The following SUCLG2 variants were observed in gnomAD, a reference collection of about 807,000 sequenced individuals.
SUCLG2 encodes the protein succinate-CoA ligase GDP-forming subunit beta, also known as succinate--CoA ligase [GDP-forming] subunit beta, mitochondrial.
In SUCLG2, 42 loss-of-function variants were observed where a neutral mutation model predicts 47.9. That is an observed-to-expected ratio of 0.88 (90% CI 0.69 to 1.14). The LOEUF is 1.14. Ranked by LOEUF, SUCLG2 falls within the 50% of genes most tolerant of loss-of-function variation. SUCLG2 has a pLI of 0.00. For missense variants in SUCLG2, 571 were observed against 525.9 expected (o/e 1.09, Z -0.84); for synonymous variants, 195 against 197.3 (o/e 0.99, Z 0.10).
intron 2 of SUCLG2, among the ~76,000 whole-genome samples, chr3:67,565,161 T>A (rs546456549): frequency 6.6e-6 from 1 of 152,196 alleles, no homozygotes; most frequent in African/African-American, 2.4e-5. Flanking sequence ...GTGCTGAGTA[T>A]AAGGAAGCAA....
intron 1 of SUCLG2, among the ~76,000 whole-genome samples, chr3:67,641,875 C>G (rs1701107421): frequency 1.3e-5 from 2 of 152,190 alleles, no homozygotes; most frequent in African/African-American, 4.8e-5. Flanking sequence ...TCTCTCCTAG[C>G]TTCCAGTGGT....
At chr3:67,370,915 T>C (rs749654203), downstream of SUCLG2, among the ~76,000 whole-genome samples, 9 of 152,324 alleles carry the variant, frequency 5.9e-5, 1 homozygote, top group Admixed American at 2.6e-4. Context: ...TGTGATGTCG[T>C]TTCTGCTTTT....
chr3:67,650,063 A>C (rs1343685636), intron 1 of SUCLG2, among the ~76,000 whole-genome samples: 1 of 152,246 alleles, frequency 6.6e-6, no homozygotes, highest in Non-Finnish European at 1.5e-5. Flanking sequence ...CCCACAAGGA[A>C]GGTCAATAGT....
intron 2 of SUCLG2, among the ~76,000 whole-genome samples, chr3:67,590,174 G>A (rs1325083488): frequency 2.0e-5 from 3 of 151,984 alleles, no homozygotes; most frequent in Non-Finnish European, 4.4e-5. Context: ...TTCCTGTCCT[G>A]TCAACACCTT....
chr3:67,472,294 T>A (rs1281901747), intron 9 of SUCLG2, among the ~76,000 whole-genome samples: 1 of 152,202 alleles, frequency 6.6e-6, no homozygotes, highest in African/African-American at 2.4e-5. Flanking sequence ...AATATTTTTT[T>A]AAAAAACAAG....
intron 10 of SUCLG2, among the ~76,000 whole-genome samples, chr3:67,394,531 C>A (rs1204995516): frequency 6.6e-6 from 1 of 151,242 alleles, no homozygotes; most frequent in Non-Finnish European, 1.5e-5. Context: ...GTGAAAAGAT[C>A]AAATCTACGT....
At chr3:67,476,696 A>T (rs143533313) in intron 9 of SUCLG2, among the ~76,000 whole-genome samples, 1 of 152,260 alleles carries the variant, frequency 6.6e-6, no homozygotes, top group East Asian at 1.9e-4. Context: ...AATGGTTGGG[A>T]ACTAATAATG....
chr3:67,621,362 C>G (rs750655127), intron 1 of SUCLG2, among the ~76,000 whole-genome samples: 1 of 152,112 alleles, frequency 6.6e-6, no homozygotes, highest in South Asian at 2.1e-4. Flanking sequence ...CACACACACA[C>G]TTTACAATGT....
chr3:67,544,466 G>A (rs1235132630), intron 2 of SUCLG2, among the ~76,000 whole-genome samples: 2 of 152,124 alleles, frequency 1.3e-5, no homozygotes, highest in Non-Finnish European at 2.9e-5. Context: ...CCCAGCTTGT[G>A]AAGAAAGTGC....
chr3:67,606,073 T>C (rs1274729714), intron 2 of SUCLG2, among the ~76,000 whole-genome samples: 1 of 151,944 alleles, frequency 6.6e-6, no homozygotes, highest in African/African-American at 2.4e-5. Context: ...GGTGTGGTGG[T>C]GTGTGCCTGT....
intron 1 of SUCLG2, among the ~76,000 whole-genome samples, chr3:67,653,474 C>T (rs1701323469): frequency 6.6e-6 from 1 of 152,120 alleles, no homozygotes; most frequent in Non-Finnish European, 1.5e-5. Flanking sequence ...TCACAGATGT[C>T]ATAACCAAAG....
intron 10 of SUCLG2, among the ~76,000 whole-genome samples, chr3:67,379,487 A>T (rs1702107866): frequency 6.6e-6 from 1 of 152,188 alleles, no homozygotes; most frequent in Non-Finnish European, 1.5e-5. Flanking sequence ...TTGCATGTGT[A>T]TGGATGAAAT....
At chr3:67,613,235 A>G (rs966349177) in intron 1 of SUCLG2, among the ~76,000 whole-genome samples, 1 of 152,298 alleles carries the variant, frequency 6.6e-6, no homozygotes, top group East Asian at 1.9e-4. Context: ...TAATTATGCT[A>G]TGGGCTTTCT....
intron 9 of SUCLG2, among the ~76,000 whole-genome samples, chr3:67,422,277 T>C (rs1428891295): frequency 3.3e-5 from 5 of 151,318 alleles, no homozygotes; most frequent in Admixed American, 2.0e-4. Context: ...ATTGAGACCA[T>C]CCTGGCCAAC....
chr3:67,548,729 G>A (rs998375199), intron 2 of SUCLG2, among the ~76,000 whole-genome samples: 11 of 152,118 alleles, frequency 7.2e-5, no homozygotes, highest in East Asian at 1.9e-4. Flanking sequence ...ACAAATGAGC[G>A]AAAATATTGA....
rs540703166 is a variant in SUCLG2 at position 67,412,599 on chromosome 3, C to T, written c.1063-11748G>A. Among the ~76,000 whole-genome samples, 15 of 152,122 alleles carry T rather than the reference C, an allele frequency of 9.9e-5. No individual in the cohort carries two copies. The East Asian group carries it at 1.4e-3, about 14-fold the overall frequency. ...AGGGAATTGGGGGCATTTATTCCCC[C>T]GTCCCTCCCAGCACGATTGTCTTGG... On this transcript the variant is annotated intron_variant, in intron 9 of 10. Transcript: ENST00000307227.
chr3:67,400,960 T>C (rs1215329731), intron 9 of SUCLG2, 109 bp from the exon 10 acceptor site: 1 of 1,505,610 alleles, frequency 6.6e-7, no homozygotes, highest in East Asian at 2.4e-5. Context: ...CGTTTTTTTG[T>C]TTTTGTTTTA....
intron 6 of SUCLG2, among the ~76,000 whole-genome samples, chr3:67,516,040 G>T (rs1290093083): frequency 1.4e-4 from 21 of 151,874 alleles, no homozygotes; most frequent in Admixed American, 1.4e-3. Flanking sequence ...ATATCTACCG[G>T]TCTGTGAGCC....
chr3:67,612,003 T>C (rs1157222800), intron 1 of SUCLG2, among the ~76,000 whole-genome samples: 4 of 152,160 alleles, frequency 2.6e-5, no homozygotes, highest in Non-Finnish European at 5.9e-5. Flanking sequence ...AATCCAAAAC[T>C]TGGAAAACTA....
Sources: gnomAD v4.1 joint callset for allele counts (sites outside exome capture counted in the v4.1 genomes callset) on GRCh38, gnomAD v4.1.1 for gene constraint, MANE v1.5 for transcripts, NCBI Gene and HGNC (gene_info 2026-07-23, HGNC 2026-07-21) for gene names.